Variants in ADAMTS9 observed in about 807,000 individuals in gnomAD.
ADAMTS9 encodes the protein ADAM metallopeptidase with thrombospondin type 1 motif 9, also known as A disintegrin and metalloproteinase with thrombospondin motifs 9.
Under a neutral mutation model 257.1 loss-of-function variants are expected in ADAMTS9, and 107 were observed. The ratio of observed to expected loss-of-function variants is 0.42; its 90% CI spans 0.36 to 0.49. ADAMTS9 has a LOEUF of 0.49. ADAMTS9 is among the 20% of genes least tolerant of loss of function. ADAMTS9 has a pLI of 0.03. For missense variants in ADAMTS9, 2,353 were observed against 2,469.1 expected, an observed-to-expected ratio of 0.95 and a Z score of 1.00; for synonymous variants, 982 against 880.9, an observed-to-expected ratio of 1.11 and a Z score of -2.03.
chr3:64,546,659 G>C, intron 32 of ADAMTS9, 99 bp downstream of exon 32: 1 of 1,286,998 alleles, frequency 7.8e-7, no homozygotes, highest in Non-Finnish European at 1.1e-6. Context: ...GTTTCTCCTG[G>C]AAGTAGAGTT....
At chr3:64,656,183 A>C (rs1701064811) in intron 4 of ADAMTS9, 2 of 229,814 alleles carry the variant, frequency 8.7e-6, no homozygotes, top group East Asian at 1.0e-4. Flanking sequence ...CTTTCCTCTC[A>C]TCTGAAGTCC....
chr3:64,576,867 A>G (rs1419936375), intron 28 of ADAMTS9, among the ~76,000 whole-genome samples: 4 of 152,178 alleles, frequency 2.6e-5, no homozygotes, highest in African/African-American at 9.7e-5. Context: ...GGCCCTGCAT[A>G]TGCTTAGTAA....
intron 38 of ADAMTS9, among the ~76,000 whole-genome samples, chr3:64,529,982 A>ATTTTTTT (rs200385291): frequency 9.6e-4 from 102 of 106,488 alleles, no homozygotes; most frequent in African/African-American, 1.0e-3. Context: ...CAGTTATTTA[A>ATTTTTTT]TTTTTTTTTT....
At chr3:64,615,926 T>A (rs1160729882) in intron 20 of ADAMTS9, 34 bp downstream of exon 20, 4 of 1,611,120 alleles carry the variant, frequency 2.5e-6, no homozygotes, top group Non-Finnish European at 3.4e-6. Context: ...TCAGACAGCA[T>A]CCAAGAAGAC....
At position 64,615,455 on chromosome 3, in the gene ADAMTS9, T is replaced by C; in HGVS notation, c.3055A>G (p.Arg1019Gly). The change falls in exon 21 of 40, where the codon AGG becomes GGG. Residue 1019 changes from arginine to glycine, a missense_variant. Arg to Gly is a moderately radical substitution (Grantham distance 125). Coordinates refer to ENST00000498707, the MANE Select transcript of ADAMTS9 (RefSeq NM_182920.2). ...CSKSCDGGTQ[R>G]RRAICVNTRN... ...GTATTGACACAAATAGCCCTTCTCCTCTGGGTCCCACCGTCACAGCTTTTT... is the reference window on the plus strand; with the variant it reads ...GTATTGACACAAATAGCCCTTCTCCCCTGGGTCCCACCGTCACAGCTTTTT... 6.2e-7 allele frequency: 1 copy of C among 1,613,818 alleles called. No homozygotes were observed. Among genetic ancestry groups the C allele is most frequent in the East Asian group, 2.2e-5 (1 of 44,846 alleles).
At chr3:64,544,212 G>A (rs1401966667) in intron 32 of ADAMTS9, among the ~76,000 whole-genome samples, 7 of 152,104 alleles carry the variant, frequency 4.6e-5, no homozygotes, top group Non-Finnish European at 1.0e-4. Context: ...AAGATTCAAT[G>A]CCATCCCCAT....
At chr3:64,628,699 C>T (rs1466838190) in intron 16 of ADAMTS9, among the ~76,000 whole-genome samples, 3 of 152,128 alleles carry the variant, frequency 2.0e-5, no homozygotes, top group African/African-American at 7.2e-5. Flanking sequence ...GTAATTAATT[C>T]CAAGTAAGGC....
At chr3:64,611,999 C>G (rs905652391) in intron 22 of ADAMTS9, among the ~76,000 whole-genome samples, 2 of 152,166 alleles carry the variant, frequency 1.3e-5, no homozygotes, top group African/African-American at 2.4e-5. Context: ...TGGCAGAGTA[C>G]AGTCACAATA....
At chr3:64,644,591 G>C (rs1700737991) in intron 11 of ADAMTS9, among the ~76,000 whole-genome samples, 1 of 152,156 alleles carries the variant, frequency 6.6e-6, no homozygotes, top group African/African-American at 2.4e-5. Context: ...AATTCACTGG[G>C]TAGGATTCCT....
At chr3:64,650,641 C>G (rs1700910268) in intron 9 of ADAMTS9, 1 of 185,512 alleles carries the variant, frequency 5.4e-6, no homozygotes, top group Non-Finnish European at 1.1e-5. Flanking sequence ...CACTACCCCA[C>G]CCCTTTTCAG....
At chr3:64,600,062 T>C (rs2084430948) in intron 26 of ADAMTS9, among the ~76,000 whole-genome samples, 1 of 150,106 alleles carries the variant, frequency 6.7e-6, no homozygotes, top group Admixed American at 6.6e-5. Flanking sequence ...TTTTTTTTTT[T>C]TTTTTTTTTG....
intron 16 of ADAMTS9, among the ~76,000 whole-genome samples, chr3:64,628,018 C>CA (rs1357560647): frequency 6.6e-6 from 1 of 152,146 alleles, no homozygotes; most frequent in Non-Finnish European, 1.5e-5. Context: ...CCGTGAGGTT[C>CA]AAAGGCTCTG....
intron 19 of ADAMTS9, 23 bp downstream of exon 19, chr3:64,621,091 G>C (rs758882364): frequency 1.1e-5 from 18 of 1,595,616 alleles, no homozygotes; most frequent in Middle Eastern, 1.7e-4. Flanking sequence ...AGTAATAAAG[G>C]CCTTGAGAAA....
chr3:64,654,306 G>C, intron 8 of ADAMTS9, 47 bp downstream of exon 8: 1 of 1,555,914 alleles, frequency 6.4e-7, no homozygotes, highest in Non-Finnish European at 8.8e-7. Flanking sequence ...AGGAATAAAA[G>C]GTTTAGGTCA....
At chr3:64,671,829 G>A (rs1701497904) in intron 3 of ADAMTS9, among the ~76,000 whole-genome samples, 2 of 152,110 alleles carry the variant, frequency 1.3e-5, no homozygotes, top group Admixed American at 1.3e-4. Flanking sequence ...TGGTCCACAG[G>A]TAAAAAGTCA....
At chr3:64,643,888 G>A (rs1456299006) in intron 11 of ADAMTS9, among the ~76,000 whole-genome samples, 3 of 151,822 alleles carry the variant, frequency 2.0e-5, no homozygotes, top group Non-Finnish European at 2.9e-5. Context: ...CGTGGCTGGT[G>A]GCCACCATAT....
At chr3:64,653,801 C>G (rs544622916) in intron 8 of ADAMTS9, among the ~76,000 whole-genome samples, 1 of 152,282 alleles carries the variant, frequency 6.6e-6, no homozygotes, top group African/African-American at 2.4e-5. Flanking sequence ...ATAACGGCCA[C>G]TTAGTGACCA....
intron 4 of ADAMTS9, among the ~76,000 whole-genome samples, chr3:64,657,394 T>G (rs1184483646): frequency 6.6e-6 from 1 of 152,216 alleles, no homozygotes; most frequent in Non-Finnish European, 1.5e-5. Flanking sequence ...TGATGCACAG[T>G]GGCGCAATCA....
chr3:64,539,291 G>C lies in ADAMTS9; in HGVS notation c.5525C>G (p.Thr1842Ser), dbSNP rs1416026637. The change falls in exon 37 of 40, where the codon ACT (threonine) becomes AGT (serine). Residue 1842 changes from threonine to serine, a missense_variant. Coordinates refer to ENST00000498707, the MANE Select transcript of ADAMTS9 (RefSeq NM_182920.2). ...IDLTSMQIIT[T>S]DLQFARTSEG... is the part of the protein sequence containing the mutation. ...GCTTGTCCTTGCAAACTGTAAGTCA[G>C]TGGCTGTGGGGTGGAGAAGGGGTTA... 6.2e-7 allele frequency: 1 copy of C among 1,613,826 alleles called. No homozygotes were observed. The highest frequency in any genetic ancestry group is 8.5e-7 in the Non-Finnish European group (1 of 1,179,860).
Sources: allele counts gnomAD v4.1 joint callset (sites outside exome capture counted in the v4.1 genomes callset), GRCh38; gene constraint gnomAD v4.1.1; transcripts MANE v1.5; gene names NCBI Gene and HGNC (gene_info 2026-07-23, HGNC 2026-07-21).